Variants in PDE10A observed in about 807,000 individuals in gnomAD.
PDE10A encodes the protein phosphodiesterase 10A.
PDE10A carries 39 observed loss-of-function variants against 97.7 expected under a neutral mutation model. That is an observed-to-expected ratio of 0.40 (90% CI 0.31 to 0.52). The LOEUF is 0.52. PDE10A is among the 20% of genes least tolerant of loss of function. PDE10A has a pLI of 0.56. For missense variants in PDE10A, 731 were observed against 1,047.8 expected (o/e 0.70, Z 4.17); for synonymous variants, 371 against 376.8 (o/e 0.98, Z 0.18).
At chr6:165,885,669 G>C (rs1041963041) in intron 1 of PDE10A, among the ~76,000 whole-genome samples, 5 of 152,228 alleles carry the variant, frequency 3.3e-5, no homozygotes, top group African/African-American at 1.2e-4. Flanking sequence ...AGGTGGGAGA[G>C]GGAAGGCCTG....
intron 10 of PDE10A, among the ~76,000 whole-genome samples, chr6:165,419,312 T>C (rs1351219036): frequency 1.3e-5 from 2 of 152,242 alleles, no homozygotes; most frequent in Non-Finnish European, 2.9e-5. Flanking sequence ...TTATTTGATG[T>C]ACTGTCTAAT....
chr6:165,929,565 C>G (rs1299686875), intron 1 of PDE10A, among the ~76,000 whole-genome samples: 1 of 152,202 alleles, frequency 6.6e-6, no homozygotes, highest in African/African-American at 2.4e-5. Context: ...CCCTATGTGT[C>G]CCATGCCCCA....
At chr6:165,829,470 A>G (rs1209041315) in intron 1 of PDE10A, among the ~76,000 whole-genome samples, 1 of 152,206 alleles carries the variant, frequency 6.6e-6, no homozygotes, top group African/African-American at 2.4e-5. Context: ...AGCCTTGAGA[A>G]GCTTTCAGAT....
intron 1 of PDE10A, among the ~76,000 whole-genome samples, chr6:165,632,891 A>G (rs1339509043): frequency 2.0e-5 from 3 of 152,168 alleles, no homozygotes; most frequent in African/African-American, 7.2e-5. Flanking sequence ...AGAATTACGC[A>G]GATTTGCCAA....
chr6:165,913,198 A>T (rs1454455797), intron 1 of PDE10A, among the ~76,000 whole-genome samples: 1 of 152,102 alleles, frequency 6.6e-6, no homozygotes, highest in Non-Finnish European at 1.5e-5. Context: ...ATATGCAAAT[A>T]TTCTAAAATC....
intron 1 of PDE10A, among the ~76,000 whole-genome samples, chr6:165,712,299 G>A (rs190271041): frequency 1.4e-4 from 21 of 152,294 alleles, no homozygotes; most frequent in Middle Eastern, 3.4e-3. Context: ...CCGAATGCCC[G>A]AAGAGTAGGC....
At chr6:165,883,301 G>A (rs901283776) in intron 1 of PDE10A, among the ~76,000 whole-genome samples, 1 of 152,146 alleles carries the variant, frequency 6.6e-6, no homozygotes, top group Non-Finnish European at 1.5e-5. Context: ...CCAGCACTTT[G>A]GGAGACTAAG....
intron 1 of PDE10A, among the ~76,000 whole-genome samples, chr6:165,712,806 AT>A (rs1791933467): frequency 6.6e-6 from 1 of 151,402 alleles, no homozygotes. Flanking sequence ...CGCCCGGCTT[AT>A]TTTTTGTATT....
chr6:165,472,425 C>A (rs1779067308), intron 3 of PDE10A, among the ~76,000 whole-genome samples: 2 of 151,992 alleles, frequency 1.3e-5, no homozygotes, highest in Admixed American at 6.5e-5. Flanking sequence ...AAAGAGCTAT[C>A]TTTTGTATTA....
intron 1 of PDE10A, among the ~76,000 whole-genome samples, chr6:165,644,175 C>T (rs1304098419): frequency 2.0e-5 from 3 of 152,154 alleles, no homozygotes; most frequent in African/African-American, 4.8e-5. Flanking sequence ...CCTGCCTCAG[C>T]CTCCTGGGCA....
chr6:165,774,133 A>C (rs1356124286), intron 1 of PDE10A, among the ~76,000 whole-genome samples: 8 of 152,196 alleles, frequency 5.3e-5, no homozygotes, highest in Admixed American at 5.2e-4. Context: ...AAAGCCAAAT[A>C]GGAAAAAAAG....
chr6:165,333,201 A>G, intron 21 of PDE10A, 74 bp from the exon 22 acceptor site: 2 of 901,568 alleles, frequency 2.2e-6, no homozygotes, highest in Non-Finnish European at 3.7e-6. Context: ...AACTAACCAA[A>G]CAGTCCTGTG....
At chr6:165,659,146 A>C (rs1484993933) in intron 1 of PDE10A, among the ~76,000 whole-genome samples, 1 of 152,210 alleles carries the variant, frequency 6.6e-6, no homozygotes, top group Non-Finnish European at 1.5e-5. Flanking sequence ...CGGAGCTGGC[A>C]TATCATACCC....
intron 1 of PDE10A, among the ~76,000 whole-genome samples, chr6:165,823,482 TTATATATATATATA>T (rs748139541): frequency 0.15 from 5,718 of 37,502 alleles, 426 homozygotes; most frequent in Non-Finnish European, 0.23. Flanking sequence ...ATAGTTAACT[TTATATATATATATA>T]TATATATATA....
chr6:165,927,828 C>G (rs1260148710), intron 1 of PDE10A, among the ~76,000 whole-genome samples: 1 of 149,838 alleles, frequency 6.7e-6, no homozygotes, highest in Non-Finnish European at 1.5e-5. Flanking sequence ...CCCCAAGTAT[C>G]TGGGACTATA....
chr6:165,937,885 C>G (rs943141063), intron 1 of PDE10A, among the ~76,000 whole-genome samples: 1 of 152,184 alleles, frequency 6.6e-6, no homozygotes, highest in Non-Finnish European at 1.5e-5. Context: ...TTCAGAGATT[C>G]TTACCTGTCA....
intron 1 of PDE10A, among the ~76,000 whole-genome samples, chr6:165,746,770 A>G (rs1458876290): frequency 6.6e-6 from 1 of 152,214 alleles, no homozygotes; most frequent in Non-Finnish European, 1.5e-5. Context: ...AAGATTTAGG[A>G]GCTCGGCAAA....
At chr6:165,384,875 CT>C (rs1785189366) in intron 17 of PDE10A, among the ~76,000 whole-genome samples, 1 of 152,024 alleles carries the variant, frequency 6.6e-6, no homozygotes. Context: ...GTGAAGATGC[CT>C]GATGAGGAAC....
intron 2 of PDE10A, among the ~76,000 whole-genome samples, chr6:165,539,909 G>C (rs997761501): frequency 6.6e-5 from 10 of 152,150 alleles, no homozygotes; most frequent in African/African-American, 2.4e-4. Flanking sequence ...CTGGGCAACA[G>C]AGCAACACTT....
Sources: gnomAD v4.1 joint callset for allele counts (sites outside exome capture counted in the v4.1 genomes callset) on GRCh38, gnomAD v4.1.1 for gene constraint, MANE v1.5 for transcripts, NCBI Gene and HGNC (gene_info 2026-07-23, HGNC 2026-07-21) for gene names.